Variants in CRLF3 observed in about 807,000 individuals in gnomAD.
The protein encoded by CRLF3 is cytokine receptor like factor 3.
CRLF3 carries 33 observed loss-of-function variants against 55.0 expected under a neutral mutation model. That is an observed-to-expected ratio of 0.60 (90% confidence interval 0.46 to 0.80). The LOEUF (loss-of-function observed/expected upper bound fraction) is 0.80. Ranked by LOEUF, CRLF3 falls within the 30% of genes least tolerant of loss-of-function variation. The pLI is 0.00. For missense variants in CRLF3, 494 were observed against 538.4 expected (o/e 0.92, Z 0.82); for synonymous variants, 238 against 196.8 (o/e 1.21, Z -1.75).
intron 6 of CRLF3, among the ~76,000 whole-genome samples, chr17:30,790,037 T>G (rs563792654): frequency 3.3e-4 from 51 of 152,254 alleles, no homozygotes; most frequent in African/African-American, 1.2e-3. Flanking sequence ...TTTTTCTGTT[T>G]ACTGAGTCAT....
In CRLF3 at chr17:30,782,710, T is replaced by C. The variant is rs559041897; in HGVS notation, c.*1477A>G. ...GAACTTTTTTAGTTTTTTATTTTGA[T>C]TCCTATGGCTGGACAAGGTATCTAC... On this transcript the variant is annotated 3_prime_UTR_variant, in exon 8 of 8. Coordinates refer to ENST00000324238, the MANE Select transcript of CRLF3 (RefSeq NM_015986.4). 2.0e-5 allele frequency: 3 copies of C among 152,306 alleles called. No individual in the cohort carries two copies. The East Asian group carries it at 5.8e-4, about 29-fold the overall frequency. 9.4% of individuals were successfully genotyped at this position (152,306 alleles called of 1,614,324 possible).
chr17:30,820,171 T>G (rs1813693786), intron 1 of CRLF3, among the ~76,000 whole-genome samples: 1 of 152,228 alleles, frequency 6.6e-6, no homozygotes, highest in Non-Finnish European at 1.5e-5. Flanking sequence ...CATTAAGAGT[T>G]AACAGACAAT....
chr17:30,790,235 A>C (rs1971760410), intron 6 of CRLF3, among the ~76,000 whole-genome samples: 1 of 152,188 alleles, frequency 6.6e-6, no homozygotes, highest in East Asian at 1.9e-4. Flanking sequence ...TCAAGCATTC[A>C]CAATAAAATC....
rs375770592 is a variant in CRLF3, at chr17:30,797,417, G to T, written c.338-19C>A. On this transcript the variant is annotated intron_variant, in intron 2 of 7. Coordinates refer to ENST00000324238, the MANE Select transcript of CRLF3 (RefSeq NM_015986.4). Reference sequence around the variant, plus strand: ...ATTTCACCTACAATCAAGAATAAGAGAACTAGAACAATGAAAATGGTCACA... The same window carrying T: ...ATTTCACCTACAATCAAGAATAAGATAACTAGAACAATGAAAATGGTCACA... The T allele has an allele frequency of 4.0e-5, 63 of 1,584,070 alleles. No homozygotes were observed. In the South Asian group the frequency reaches 6.0e-4, roughly 15 times the overall value.
At chr17:30,817,820 G>A (rs963887586) in intron 1 of CRLF3, among the ~76,000 whole-genome samples, 1 of 145,538 alleles carries the variant, frequency 6.9e-6, no homozygotes, top group African/African-American at 2.5e-5. Flanking sequence ...GCAGGAGAAT[G>A]GCTTGAACCC....
At chr17:30,793,412 A>G (rs773128378) in intron 5 of CRLF3, 38 bp downstream of exon 5, 78 of 1,501,006 alleles carry the variant, frequency 5.2e-5, no homozygotes, top group Non-Finnish European at 5.4e-5. Context: ...ATTCTAATAT[A>G]TAGTTAGGCT....
chr17:30,796,827 G>T (rs1188315932), intron 3 of CRLF3, among the ~76,000 whole-genome samples: 1 of 151,002 alleles, frequency 6.6e-6, no homozygotes, highest in Non-Finnish European at 1.5e-5. Context: ...CGATTCAAGC[G>T]ACTCTCTTGC....
intron 4 of CRLF3, among the ~76,000 whole-genome samples, chr17:30,794,012 G>T (rs146313213): frequency 1.8e-3 from 272 of 152,082 alleles, no homozygotes; most frequent in African/African-American, 6.2e-3. Flanking sequence ...CTAATTTTTT[G>T]TATTTTTTGT....
chr17:30,788,603 T>G, intron 6 of CRLF3, among the ~76,000 whole-genome samples: 1 of 116,390 alleles, frequency 8.6e-6, no homozygotes, highest in East Asian at 2.1e-4. Flanking sequence ...TGCCTTCTTT[T>G]TTTTTTTTTT....
rs1432309872 is a variant in CRLF3 at position 30,783,083 on chromosome 17, A to T, written c.*1104T>A. The T allele has an allele frequency of 6.6e-6, 1 of 152,218 alleles. No individual in the cohort carries two copies. Among genetic ancestry groups the T allele is most frequent in the Non-Finnish European group, 1.5e-5 (1 of 68,040 alleles). 9.4% of individuals were successfully genotyped at this position (152,218 alleles called of 1,614,324 possible). On this transcript the variant is annotated 3_prime_UTR_variant, in exon 8 of 8. Transcript: ENST00000324238. ...CTCTGCTAAAAAGAGACCACTTATT[A>T]AACTGACATTAAACTGGACTGCAGC...
chr17:30,819,658 A>G (rs1567669798), intron 1 of CRLF3, among the ~76,000 whole-genome samples: 1 of 152,128 alleles, frequency 6.6e-6, no homozygotes, highest in Non-Finnish European at 1.5e-5. Context: ...GTATTTTTTT[A>G]GTAGAGACGG....
intron 1 of CRLF3, among the ~76,000 whole-genome samples, chr17:30,806,992 A>C (rs1180599104): frequency 6.6e-6 from 1 of 152,060 alleles, no homozygotes. Flanking sequence ...TCATGCCTGT[A>C]ATCCCAGCAC....
rs77453840 is a variant in CRLF3, at chr17:30,819,409, G to T, written c.129+5114C>A. Among the ~76,000 whole-genome samples the T allele has an allele frequency of 3.9e-5, 6 of 152,284 alleles. No individual in the cohort carries two copies. The South Asian group carries it at 8.3e-4, about 21-fold the overall frequency. On this transcript the variant is annotated intron_variant, in intron 1 of 7. Transcript: ENST00000324238. ...CCCTGACTTTGGCATTGTCATCAAG[G>T]TGGTGCCACTCTGTGAGGCCTGAGT...
At chr17:30,805,011 T>C (rs973167919) in intron 1 of CRLF3, among the ~76,000 whole-genome samples, 5 of 151,978 alleles carry the variant, frequency 3.3e-5, no homozygotes, top group African/African-American at 1.2e-4. Context: ...AGTGAAACCC[T>C]GTATCTACTA....
chr17:30,807,486 G>C (rs1000635877), intron 1 of CRLF3, among the ~76,000 whole-genome samples: 1 of 149,800 alleles, frequency 6.7e-6, no homozygotes, highest in Non-Finnish European at 1.5e-5. Flanking sequence ...TCATTTACTG[G>C]GTGGGCAGAC....
intron 6 of CRLF3, among the ~76,000 whole-genome samples, chr17:30,791,107 G>A (rs1177554312): frequency 2.6e-5 from 4 of 151,626 alleles, no homozygotes; most frequent in African/African-American, 7.3e-5. Flanking sequence ...TTTTTGAGAC[G>A]GGTCTTGCCC....
intron 2 of CRLF3, among the ~76,000 whole-genome samples, chr17:30,802,598 G>GTTT (rs999831336): frequency 7.0e-6 from 1 of 142,364 alleles, no homozygotes; most frequent in Non-Finnish European, 1.5e-5. Context: ...GCCCAGCTAA[G>GTTT]TTTTTTTTTT....
Position 30,796,150 on chromosome 17 carries a change from A to C in CRLF3, c.603+10T>G, listed in dbSNP as rs1217892053. On this transcript the variant is annotated intron_variant, in intron 4 of 7. Coordinates refer to ENST00000324238, the MANE Select transcript of CRLF3 (RefSeq NM_015986.4). ...TGTGGAAGTCATTTCTAGAATTCTG[A>C]ATTACATACCTTACACCATCGTACA... The C allele has an allele frequency of 6.4e-7, 1 of 1,573,276 alleles. No homozygotes were observed. The highest frequency in any genetic ancestry group is 8.6e-7 in the Non-Finnish European group (1 of 1,158,806).
In CRLF3 at chr17:30,793,444, G is replaced by T; in HGVS notation, c.826+6C>A. 1 of 1,609,394 alleles carries T rather than the reference G, an allele frequency of 6.2e-7. No homozygotes were observed. The highest frequency in any genetic ancestry group is 8.5e-7 in the Non-Finnish European group (1 of 1,175,788). On this transcript the variant is annotated splice_donor_region_variant and intron_variant, in intron 5 of 7. Transcript: ENST00000324238. Reference sequence around the variant, plus strand: ...GGCTTCAGGAGAGAAAAGGTTAGCAGCATACCATGAGGCACCAATGTGGAA... The same window carrying T: ...GGCTTCAGGAGAGAAAAGGTTAGCATCATACCATGAGGCACCAATGTGGAA...
Sources: gnomAD v4.1 joint callset for allele counts (sites outside exome capture counted in the v4.1 genomes callset) on GRCh38, gnomAD v4.1.1 for gene constraint, MANE v1.5 for transcripts, NCBI Gene and HGNC (gene_info 2026-07-23, HGNC 2026-07-21) for gene names.